The following FGD3 variants were observed in gnomAD, a reference collection of about 807,000 sequenced individuals.
FGD3 encodes the protein FYVE, RhoGEF and PH domain-containing protein 3.
In FGD3, 45 loss-of-function variants were observed where a neutral mutation model predicts 71.8. The observed-to-expected ratio is 0.63, with a 90% CI of 0.49 to 0.80. The LOEUF (loss-of-function observed/expected upper bound fraction) is 0.80. Ranked by LOEUF, FGD3 falls within the 30% of genes least tolerant of loss-of-function variation. FGD3 has a pLI of 0.00. For missense variants in FGD3, 844 were observed against 951.5 expected (o/e 0.89, Z 1.49); for synonymous variants, 378 against 392.8 (o/e 0.96, Z 0.44).
rs554753976 is a variant in FGD3 at position 92,995,981 on chromosome 9, G to T, written c.454-6944G>T. On this transcript the variant is annotated intron_variant, in intron 3 of 17. Transcript: ENST00000375482. Reference sequence around the variant, plus strand: ...TGCCAGGCTTTGGTATCAGGATGTTGTTGGCCTCATAAAATGAAATAGGGA... The same window carrying T: ...TGCCAGGCTTTGGTATCAGGATGTTTTTGGCCTCATAAAATGAAATAGGGA... Among the ~76,000 whole-genome samples, 6 of 152,214 alleles carry T rather than the reference G, an allele frequency of 3.9e-5. No homozygotes were observed. The South Asian group carries it at 1.0e-3, about 26-fold the overall frequency.
intron 1 of FGD3, among the ~76,000 whole-genome samples, chr9:92,957,079 C>T (rs959230769): frequency 6.6e-6 from 1 of 152,190 alleles, no homozygotes; most frequent in African/African-American, 2.4e-5. Context: ...CTGCACCACA[C>T]TTTGCTTATT....
At chr9:92,980,732 G>GTA (rs1859960003) in intron 3 of FGD3, among the ~76,000 whole-genome samples, 2 of 152,088 alleles carry the variant, frequency 1.3e-5, no homozygotes, top group African/African-American at 2.4e-5. Flanking sequence ...AGCACTTTGG[G>GTA]AGGCTGAGGC....
At chr9:92,956,021 G>A (rs529702011) in intron 1 of FGD3, among the ~76,000 whole-genome samples, 15 of 152,138 alleles carry the variant, frequency 9.9e-5, no homozygotes, top group Non-Finnish European at 1.9e-4. Flanking sequence ...TCATTTCCAT[G>A]TCTGCATGTT....
At chr9:92,981,377 AAAAAAAAG>A (rs1168211988) in intron 3 of FGD3, among the ~76,000 whole-genome samples, 8 of 151,060 alleles carry the variant, frequency 5.3e-5, no homozygotes, top group African/African-American at 2.0e-4. Context: ...CCAAAAAAAA[AAAAAAAAG>A]AAAAAAAAGA....
chr9:93,004,433 C>T (rs1337062502), intron 5 of FGD3, among the ~76,000 whole-genome samples: 1 of 152,224 alleles, frequency 6.6e-6, no homozygotes, highest in Non-Finnish European at 1.5e-5. Flanking sequence ...CTGGAAACAC[C>T]ACACAGTGGA....
chr9:93,016,635 C>CATGACCGA, intron 10 of FGD3, among the ~76,000 whole-genome samples: 1 of 149,788 alleles, frequency 6.7e-6, no homozygotes, highest in Non-Finnish European at 1.5e-5. Context: ...CGCACCCAGC[C>CATGACCGA]TAGTCAGTCA....
chr9:93,000,059 T>TG lies in FGD3; in HGVS notation c.454-2866_454-2865insG, dbSNP rs574201545. Reference sequence around the variant, plus strand: ...TTCTTTGTGTTTAATTGATTTTTTTTTGTAGTGATATGCTTTTATTTCTTT... The same window carrying TG: ...TTCTTTGTGTTTAATTGATTTTTTTTGTGTAGTGATATGCTTTTATTTCTTT... On this transcript the variant is annotated intron_variant, in intron 3 of 17. Coordinates refer to ENST00000375482, the MANE Select transcript of FGD3 (RefSeq NM_001083536.2). Among the ~76,000 whole-genome samples the TG allele has an allele frequency of 7.9e-5, 12 of 152,046 alleles. No individual in the cohort carries two copies. The South Asian group carries it at 2.5e-3, about 32-fold the overall frequency.
In FGD3 at chr9:93,003,932, C is replaced by G; in HGVS notation, c.544-69C>G. The G allele has an allele frequency of 1.9e-6, 3 of 1,591,614 alleles. No individual in the cohort carries two copies. The highest frequency in any genetic ancestry group is 1.7e-4 in the Middle Eastern group (1 of 5,962). On this transcript the variant is annotated intron_variant, in intron 4 of 17. Transcript: ENST00000375482. This position sits in a 1 kb window ranked among gnomAD's most constrained non-coding sequence, Gnocchi z 4.1. ...CCTCCCGAGCGCCCTCACCTGTGGC[C>G]GAAGCGGGGCGGCAACTGTGCTCAG...
intron 3 of FGD3, among the ~76,000 whole-genome samples, chr9:92,981,663 G>C (rs984174859): frequency 2.6e-5 from 4 of 152,014 alleles, no homozygotes; most frequent in Non-Finnish European, 5.9e-5. Context: ...TTATTTTGCC[G>C]ATCTCTATTT....
chr9:93,006,230 A>G, intron 6 of FGD3, 50 bp downstream of exon 6: 2 of 1,457,142 alleles, frequency 1.4e-6, no homozygotes, highest in South Asian at 3.1e-5. Flanking sequence ...AGATGCACAG[A>G]GCCTGGTGTT....
At chr9:92,968,369 C>T (rs952459268) in intron 1 of FGD3, among the ~76,000 whole-genome samples, 4 of 152,130 alleles carry the variant, frequency 2.6e-5, no homozygotes, top group Non-Finnish European at 5.9e-5. Flanking sequence ...TCTCCCTGCT[C>T]AGCTTGCCCT....
intron 3 of FGD3, among the ~76,000 whole-genome samples, chr9:92,984,722 G>T (rs75980908): frequency 0.012 from 1,828 of 152,260 alleles, 41 homozygotes; most frequent in African/African-American, 0.042. Flanking sequence ...GCCCCAAAGA[G>T]GTGTAGGGTA....
At chr9:92,978,008 C>G (rs538348685) in intron 3 of FGD3, among the ~76,000 whole-genome samples, 1 of 152,146 alleles carries the variant, frequency 6.6e-6, no homozygotes, top group African/African-American at 2.4e-5. Context: ...TCTGGCTGGG[C>G]GCGGTGGCTC....
chr9:92,976,578 C>G lies in FGD3; in HGVS notation c.322C>G (p.His108Asp). The G allele has an allele frequency of 6.2e-7, 1 of 1,612,718 alleles. No individual in the cohort carries two copies. Among genetic ancestry groups the G allele is most frequent in the Non-Finnish European group, 8.5e-7 (1 of 1,179,886 alleles). Reference sequence around the variant, plus strand: ...CCCAAGCCCCACTGTACTGGGGGCGCACGCAGAGATGGCCCTGGACAGCCA... The same window carrying G: ...CCCAAGCCCCACTGTACTGGGGGCGGACGCAGAGATGGCCCTGGACAGCCA... The part of the protein sequence containing the change: ...AGPSPTVLGA[H>D]AEMALDSQVP... The change falls in exon 3 of 18, where the codon CAC becomes GAC. Residue 108 changes from histidine (H) to aspartate (D), a missense_variant. Physicochemically the swap from His to Asp is moderately conservative, Grantham distance 81. Coordinates refer to ENST00000375482, the MANE Select transcript of FGD3 (RefSeq NM_001083536.2).
intron 8 of FGD3, among the ~76,000 whole-genome samples, chr9:93,012,999 G>A (rs1041551670): frequency 1.8e-5 from 2 of 108,126 alleles, no homozygotes; most frequent in Non-Finnish European, 4.4e-5. Flanking sequence ...CAGCCCCCCT[G>A]GTACACACCA....
chr9:92,984,540 T>C (rs1177412518), intron 3 of FGD3, among the ~76,000 whole-genome samples: 1 of 152,200 alleles, frequency 6.6e-6, no homozygotes, highest in African/African-American at 2.4e-5. Flanking sequence ...CTAGGGTTTG[T>C]CCAAATAAGT....
chr9:92,991,537 T>TA (rs1297378885), intron 3 of FGD3, among the ~76,000 whole-genome samples: 1 of 152,158 alleles, frequency 6.6e-6, no homozygotes, highest in African/African-American at 2.4e-5. Flanking sequence ...AATTTTGATT[T>TA]AAAAAAAATT....
At chr9:92,990,679 A>G (rs1326412129) in intron 3 of FGD3, among the ~76,000 whole-genome samples, 1 of 152,202 alleles carries the variant, frequency 6.6e-6, no homozygotes, top group Non-Finnish European at 1.5e-5. Context: ...TAAAATGATC[A>G]TATGGTTTTT....
At chr9:93,034,438 C>G in intron 16 of FGD3, 103 bp from the exon 17 acceptor site, 1 of 1,433,840 alleles carries the variant, frequency 7.0e-7, no homozygotes. Flanking sequence ...TCTCCACAGC[C>G]AGCTCCCCCC....
Sources: allele counts gnomAD v4.1 joint callset (sites outside exome capture counted in the v4.1 genomes callset), GRCh38; gene constraint gnomAD v4.1.1; non-coding constraint Gnocchi (gnomAD v3.1); transcripts MANE v1.5; gene names NCBI Gene and HGNC (gene_info 2026-07-23, HGNC 2026-07-21).